Variants in SLC25A21 observed in about 807,000 individuals in gnomAD.
SLC25A21 encodes mitochondrial 2-oxodicarboxylate carrier.
SLC25A21 carries 47 observed loss-of-function variants against 43.8 expected under a neutral mutation model. That is an observed-to-expected ratio of 1.07 (90% CI 0.85 to 1.37). SLC25A21 has a LOEUF of 1.37. SLC25A21 is among the 40% of genes most tolerant of loss of function. The probability of loss-of-function intolerance (pLI) is 0.00; values close to 1 mark genes in which losing one functional copy is unlikely to be tolerated. For missense variants in SLC25A21, 352 were observed against 350.2 expected (o/e 1.00, Z -0.04); for synonymous variants, 131 against 121.3 (o/e 1.08, Z -0.52).
chr14:36,790,621 G>C (rs1283318453), intron 3 of SLC25A21, among the ~76,000 whole-genome samples: 1 of 152,060 alleles, frequency 6.6e-6, no homozygotes. Context: ...GGATTATTGA[G>C]AATTTTTGTT....
intron 2 of SLC25A21, among the ~76,000 whole-genome samples, chr14:36,850,470 CAG>C (rs1401422803): frequency 1.3e-5 from 2 of 151,944 alleles, no homozygotes; most frequent in African/African-American, 4.8e-5. Flanking sequence ...GTATAGAAAG[CAG>C]GGCAAGAAGG....
At chr14:36,981,966 T>C (rs970762339) in intron 1 of SLC25A21, among the ~76,000 whole-genome samples, 1 of 152,240 alleles carries the variant, frequency 6.6e-6, no homozygotes, top group Non-Finnish European at 1.5e-5. Flanking sequence ...ACTGAATGAT[T>C]GTTTTGGTGT....
At chr14:36,687,755 G>A (rs1028698308) in intron 7 of SLC25A21, among the ~76,000 whole-genome samples, 9 of 152,082 alleles carry the variant, frequency 5.9e-5, no homozygotes, top group African/African-American at 2.2e-4. Flanking sequence ...TGCCTCTCCC[G>A]TTCATCCTCT....
intron 1 of SLC25A21, among the ~76,000 whole-genome samples, chr14:36,963,467 G>T (rs771952571): frequency 5.3e-5 from 8 of 152,160 alleles, no homozygotes; most frequent in Non-Finnish European, 1.0e-4. Flanking sequence ...AGTGCTATCT[G>T]CCATTAGCAC....
At chr14:36,826,674 G>A (rs543592725) in intron 2 of SLC25A21, among the ~76,000 whole-genome samples, 2 of 152,346 alleles carry the variant, frequency 1.3e-5, no homozygotes, top group African/African-American at 2.4e-5. Flanking sequence ...GCTGTTCACA[G>A]ATCATTTTTG....
At chr14:36,981,177 G>C (rs1199642956) in intron 1 of SLC25A21, among the ~76,000 whole-genome samples, 1 of 152,126 alleles carries the variant, frequency 6.6e-6, no homozygotes, top group Non-Finnish European at 1.5e-5. Flanking sequence ...TCATTAAAAA[G>C]TCAGGAAACT....
intron 2 of SLC25A21, among the ~76,000 whole-genome samples, chr14:36,850,958 A>C (rs1889714789): frequency 6.6e-6 from 1 of 152,192 alleles, no homozygotes; most frequent in Admixed American, 6.5e-5. Flanking sequence ...CTCTACTGCA[A>C]ATGTTAGTCC....
At chr14:36,746,119 A>G (rs997152541) in intron 3 of SLC25A21, among the ~76,000 whole-genome samples, 4 of 152,156 alleles carry the variant, frequency 2.6e-5, no homozygotes, top group Non-Finnish European at 5.9e-5. Context: ...CCCAAAGGAA[A>G]AAAAAGCATC....
chr14:36,819,603 G>A (rs544690636), intron 2 of SLC25A21, among the ~76,000 whole-genome samples: 1 of 152,246 alleles, frequency 6.6e-6, no homozygotes, highest in East Asian at 1.9e-4. Context: ...CTCAAGACAA[G>A]GGTGTTTGAA....
At chr14:36,734,855 G>A (rs1884971340) in intron 3 of SLC25A21, among the ~76,000 whole-genome samples, 1 of 152,074 alleles carries the variant, frequency 6.6e-6, no homozygotes, top group African/African-American at 2.4e-5. Flanking sequence ...TTACTCTAAG[G>A]GCTCTTGAGT....
At chr14:37,086,931 C>T (rs1962497131) in intron 1 of SLC25A21, among the ~76,000 whole-genome samples, 1 of 152,122 alleles carries the variant, frequency 6.6e-6, no homozygotes, top group Non-Finnish European at 1.5e-5. Context: ...CAGCTTCAAG[C>T]TTTCCATGTA....
chr14:36,680,124 C>G lies in SLC25A21; in HGVS notation c.*534G>C. The G allele has an allele frequency of 2.3e-6, 2 of 875,480 alleles. No individual in the cohort carries two copies. Among genetic ancestry groups the G allele is most frequent in the Non-Finnish European group, 2.7e-6 (2 of 731,002 alleles). 54.2% of individuals were successfully genotyped at this position (875,480 alleles called of 1,614,324 possible). A position where few individuals can be genotyped will look rare whatever the true frequency, so the allele number is the denominator to read the frequency against. On this transcript the variant is annotated 3_prime_UTR_variant, in exon 10 of 10. Transcript: ENST00000331299. ...CATAGTATTCATAAAATTAAACATT[C>G]TTAAAAGGTCATTTTAGTGCACTTT...
At chr14:36,737,873 G>C (rs1885108260) in intron 3 of SLC25A21, among the ~76,000 whole-genome samples, 1 of 152,172 alleles carries the variant, frequency 6.6e-6, no homozygotes, top group Admixed American at 6.5e-5. Context: ...TGTGAGTGAG[G>C]CCCTGCTTCC....
At chr14:37,119,202 C>T (rs1281506393) in intron 1 of SLC25A21, among the ~76,000 whole-genome samples, 1 of 152,130 alleles carries the variant, frequency 6.6e-6, no homozygotes, top group Non-Finnish European at 1.5e-5. Flanking sequence ...CCAGGAACTG[C>T]CTGCCCCTTT....
At chr14:36,743,506 A>G (rs1397964300) in intron 3 of SLC25A21, among the ~76,000 whole-genome samples, 1 of 152,142 alleles carries the variant, frequency 6.6e-6, no homozygotes, top group Admixed American at 6.5e-5. Context: ...TGGAGCAAAA[A>G]AAGTCCTTCA....
chr14:36,881,421 T>C (rs762375800), intron 1 of SLC25A21, among the ~76,000 whole-genome samples: 22 of 152,138 alleles, frequency 1.4e-4, no homozygotes, highest in Admixed American at 6.5e-4. Context: ...TGACCACTGA[T>C]AGATATCTCA....
intron 1 of SLC25A21, among the ~76,000 whole-genome samples, chr14:37,077,788 TAC>T (rs1962310672): frequency 6.6e-6 from 1 of 152,156 alleles, no homozygotes; most frequent in Non-Finnish European, 1.5e-5. Flanking sequence ...CCCTATAATA[TAC>T]AGTTTTTGGT....
At chr14:37,025,575 T>C (rs1461803292) in intron 1 of SLC25A21, among the ~76,000 whole-genome samples, 14 of 152,174 alleles carry the variant, frequency 9.2e-5, no homozygotes, top group African/African-American at 3.4e-4. Context: ...ACAACTTATA[T>C]CAATTTAAAT....
intron 3 of SLC25A21, among the ~76,000 whole-genome samples, chr14:36,794,965 A>C (rs1387392356): frequency 6.6e-6 from 1 of 152,088 alleles, no homozygotes; most frequent in Non-Finnish European, 1.5e-5. Flanking sequence ...CATTTTTATC[A>C]TTTGCTATGC....
Sources: allele counts gnomAD v4.1 joint callset (sites outside exome capture counted in the v4.1 genomes callset), GRCh38; gene constraint gnomAD v4.1.1; transcripts MANE v1.5; gene names NCBI Gene and HGNC (gene_info 2026-07-23, HGNC 2026-07-21).